NT5M: variants seen among roughly 807,000 people sequenced by gnomAD.
NT5M encodes the protein 5',3'-nucleotidase, mitochondrial, also known as 5'(3')-deoxyribonucleotidase, mitochondrial.
NT5M carries 22 observed loss-of-function variants against 22.2 expected under a neutral mutation model. That is an observed-to-expected ratio of 0.99 (90% CI 0.71 to 1.41). NT5M has a LOEUF of 1.41. NT5M is among the 40% of genes most tolerant of loss of function. The pLI is 0.00. For missense variants in NT5M, 322 were observed against 314.8 expected (o/e 1.02, Z -0.17); for synonymous variants, 167 against 133.0 (o/e 1.26, Z -1.76).
chr17:17,317,112 T>C (rs544664415), intron 2 of NT5M, among the ~76,000 whole-genome samples: 29 of 150,470 alleles, frequency 1.9e-4, no homozygotes, highest in African/African-American at 6.6e-4. Context: ...TGCTGTGGCA[T>C]GATCTCGGCT....
intron 3 of NT5M, among the ~76,000 whole-genome samples, chr17:17,323,622 A>T (rs2049202032): frequency 6.6e-6 from 1 of 152,220 alleles, no homozygotes; most frequent in South Asian, 2.1e-4. Context: ...GAAAAGAATT[A>T]GAGTTGCATG....
intron 3 of NT5M, among the ~76,000 whole-genome samples, chr17:17,339,980 C>T (rs577341765): frequency 1.3e-5 from 2 of 152,082 alleles, no homozygotes; most frequent in Admixed American, 6.5e-5. Flanking sequence ...TTTGGTATCA[C>T]GGTGATACTG....
intron 3 of NT5M, among the ~76,000 whole-genome samples, chr17:17,336,987 T>C (rs1374405579): frequency 6.6e-6 from 1 of 152,152 alleles, no homozygotes; most frequent in Non-Finnish European, 1.5e-5. Context: ...CATATACTGA[T>C]TTCCTTTTTT....
intron 3 of NT5M, 118 bp downstream of exon 3, chr17:17,323,363 A>ACAG (rs1393780729): frequency 1.6e-5 from 14 of 860,894 alleles, no homozygotes; most frequent in Admixed American, 3.5e-5. Context: ...CACCTCTGTG[A>ACAG]CAGCGGCTTT....
intron 2 of NT5M, among the ~76,000 whole-genome samples, chr17:17,310,506 C>A (rs1295417406): frequency 6.6e-6 from 1 of 152,120 alleles, no homozygotes; most frequent in Non-Finnish European, 1.5e-5. Flanking sequence ...ATGAACATTT[C>A]TTTAAAGAAA....
chr17:17,306,491 G>A, intron 1 of NT5M, 52 bp from the exon 2 acceptor site: 1 of 1,252,502 alleles, frequency 8.0e-7, no homozygotes, highest in Admixed American at 1.7e-5. Flanking sequence ...CAAGATGAGG[G>A]CAGTAAGGTG....
At chr17:17,335,310 T>G (rs2049484430) in intron 3 of NT5M, among the ~76,000 whole-genome samples, 1 of 152,042 alleles carries the variant, frequency 6.6e-6, no homozygotes, top group African/African-American at 2.4e-5. Flanking sequence ...CAGGCTGGAA[T>G]GCAGTGGTAT....
chr17:17,312,089 T>A (rs577348889), intron 2 of NT5M, among the ~76,000 whole-genome samples: 16 of 152,320 alleles, frequency 1.1e-4, no homozygotes, highest in Admixed American at 2.0e-4. Flanking sequence ...CTTTCTGGGT[T>A]TCAGTAAAAT....
rs112137876 is a variant in NT5M at position 17,337,404 on chromosome 17, ATT to A, written c.430-7377_430-7376del. ...CTATGGGTGTGTGCCACCAAGCCTA[ATT>A]TTTTTTTTTTTTCTTTAGACTGGGT... On this transcript the variant is annotated intron_variant, in intron 3 of 4. Transcript: ENST00000389022. Among the ~76,000 whole-genome samples the A allele has an allele frequency of 6.3e-5, 9 of 142,446 alleles. No homozygotes were observed. The East Asian group carries it at 1.4e-3, about 23-fold the overall frequency. The allele number at this position is 142,446 out of a possible 152,430, so 93.5% of individuals were successfully genotyped here.
At chr17:17,323,637 T>C (rs1460532572) in intron 3 of NT5M, among the ~76,000 whole-genome samples, 5 of 152,232 alleles carry the variant, frequency 3.3e-5, no homozygotes, top group Admixed American at 3.3e-4. Context: ...TGCATGAAAT[T>C]GAGACCTTTC....
At position 17,317,263 on chromosome 17, in the gene NT5M, T is replaced by A. The variant is rs1475654229; in HGVS notation, c.369-5922T>A. The stretch of plus-strand genomic sequence containing the variant: ...ACAGGGTTTCACCGTATTAGCCAGG[T>A]TAGTCTCGATCTCCTGACCTGGTGA... On this transcript the variant is annotated intron_variant, in intron 2 of 4. Coordinates refer to ENST00000389022, the MANE Select transcript of NT5M (RefSeq NM_020201.4). Among the ~76,000 whole-genome samples, 6 of 147,308 alleles carry A rather than the reference T, an allele frequency of 4.1e-5. No homozygotes were observed. In the East Asian group the frequency reaches 6.3e-4, roughly 15 times the overall value.
intron 1 of NT5M, chr17:17,304,511 A>T: frequency 2.2e-6 from 2 of 891,054 alleles, no homozygotes; most frequent in Non-Finnish European, 2.7e-6. Flanking sequence ...CAAAAGGAAC[A>T]GGGGATTTTG....
intron 1 of NT5M, among the ~76,000 whole-genome samples, chr17:17,305,413 C>CCCCCCCCCCCCCCT (rs1567877233): frequency 4.0e-5 from 5 of 124,974 alleles, no homozygotes; most frequent in Non-Finnish European, 3.5e-5. Flanking sequence ...CCCCCGCCCC[C>CCCCCCCCCCCCCCT]ACACACGTGG....
At chr17:17,330,936 TTTCATCGTG>T (rs1409480602) in intron 3 of NT5M, among the ~76,000 whole-genome samples, 1 of 151,326 alleles carries the variant, frequency 6.6e-6, no homozygotes, top group Non-Finnish European at 1.5e-5. Flanking sequence ...AGAGATGGGG[TTTCATCGTG>T]TTGCCCAGGC....
intron 3 of NT5M, among the ~76,000 whole-genome samples, chr17:17,332,568 C>T (rs1482125859): frequency 2.6e-5 from 4 of 152,144 alleles, no homozygotes; most frequent in African/African-American, 7.2e-5. Context: ...ACGACAGCAC[C>T]GCTTTATGCT....
chr17:17,325,524 CTCATTGCCAGCA>C (rs1379395172), intron 3 of NT5M, among the ~76,000 whole-genome samples: 2 of 152,188 alleles, frequency 1.3e-5, no homozygotes, highest in Non-Finnish European at 2.9e-5. Context: ...TCTGTCTCTT[CTCATTGCCAGCA>C]TCTTGGCATT....
intron 3 of NT5M, among the ~76,000 whole-genome samples, chr17:17,323,849 T>C (rs2049208401): frequency 6.6e-6 from 1 of 152,142 alleles, no homozygotes; most frequent in African/African-American, 2.4e-5. Context: ...TTCTTTCATG[T>C]TCTTCACATG....
At chr17:17,320,851 G>A (rs536618603) in intron 2 of NT5M, among the ~76,000 whole-genome samples, 7 of 152,224 alleles carry the variant, frequency 4.6e-5, no homozygotes, top group Admixed American at 1.3e-4. Flanking sequence ...GAGAGCTGGC[G>A]TGGCCAGCTG....
intron 2 of NT5M, among the ~76,000 whole-genome samples, chr17:17,321,957 CG>C (rs1412604260): frequency 2.0e-5 from 3 of 151,852 alleles, no homozygotes; most frequent in East Asian, 3.9e-4. Context: ...TTCCAAGCTC[CG>C]GGGGTGACAC....
Sources: allele counts gnomAD v4.1 joint callset (sites outside exome capture counted in the v4.1 genomes callset), GRCh38; gene constraint gnomAD v4.1.1; transcripts MANE v1.5; gene names NCBI Gene and HGNC (gene_info 2026-07-23, HGNC 2026-07-21).